Variants in PCDHGA2 observed in about 807,000 individuals in gnomAD.
PCDHGA2 encodes protocadherin gamma subfamily A, 2.
A neutral mutation model predicts 59.2 loss-of-function variants in PCDHGA2; 40 were observed. The ratio of observed to expected loss-of-function variants is 0.68; its 90% CI spans 0.52 to 0.88. PCDHGA2 has a LOEUF of 0.88. Among genes scored for constraint, PCDHGA2 ranks in the 40% least tolerant of loss-of-function variants. PCDHGA2 has a pLI of 0.00. For synonymous variants in PCDHGA2, 560 were observed against 526.0 expected, an observed-to-expected ratio of 1.06 and a Z score of -0.89; for missense variants, 1,226 against 1,204.0, an observed-to-expected ratio of 1.02 and a Z score of -0.27.
intron 1 of PCDHGA2, among the ~76,000 whole-genome samples, chr5:141,474,075 C>T (rs2099339724): frequency 6.6e-6 from 1 of 151,902 alleles, no homozygotes; most frequent in African/African-American, 2.4e-5. Flanking sequence ...GCCTCAGAAA[C>T]AAAAACCAAA....
chr5:141,389,871 G>C (rs199638280), intron 1 of PCDHGA2: 297 of 1,614,056 alleles, frequency 1.8e-4, no homozygotes, highest in Non-Finnish European at 2.3e-4. Context: ...CCTGGTCTTC[G>C]CCGACAGCTT....
At position 141,511,005 on chromosome 5, in the gene PCDHGA2, C is replaced by T; in HGVS notation, c.2631C>T (p.Ala877=). ...GGGAGTMGLS[A]RYGPQFTLQH... The stretch of plus-strand genomic sequence containing the variant: ...GTGCCGGCACCATGGGATTGAGCGC[C>T]CGCTACGGACCCCAGTTCACCCTGC... Residue 877 remains alanine, a synonymous_variant, in exon 4 of 4, where the codon GCC becomes GCT. Coordinates refer to ENST00000394576, the MANE Select transcript of PCDHGA2 (RefSeq NM_018915.4). The T allele has an allele frequency of 6.2e-7, 1 of 1,614,176 alleles. No individual in the cohort carries two copies.
chr5:141,393,016 C>G, intron 1 of PCDHGA2: 1 of 1,613,872 alleles, frequency 6.2e-7, no homozygotes, highest in East Asian at 2.2e-5. Flanking sequence ...CGTATCGTCT[C>G]CAGAGGTAGG....
intron 1 of PCDHGA2, chr5:141,352,587 T>C: frequency 6.2e-7 from 1 of 1,613,654 alleles, no homozygotes; most frequent in Non-Finnish European, 8.5e-7. Flanking sequence ...CCTCAGGATC[T>C]GCTGTGTGAT....
intron 1 of PCDHGA2, among the ~76,000 whole-genome samples, chr5:141,457,904 T>C (rs960822555): frequency 6.0e-5 from 9 of 150,288 alleles, no homozygotes; most frequent in African/African-American, 2.2e-4. Context: ...GTAGACAAGG[T>C]GTGAGGCCAG....
At chr5:141,450,869 G>A (rs1435272731) in intron 1 of PCDHGA2, among the ~76,000 whole-genome samples, 1 of 147,142 alleles carries the variant, frequency 6.8e-6, no homozygotes, top group Admixed American at 6.9e-5. Context: ...CTGTCACCCA[G>A]GCTGGTGTGC....
At chr5:141,409,185 C>A in intron 1 of PCDHGA2, 1 of 1,614,024 alleles carries the variant, frequency 6.2e-7, no homozygotes, top group Non-Finnish European at 8.5e-7. Flanking sequence ...GGTGGTCTCT[C>A]TACCCAGTGT....
In PCDHGA2 at chr5:141,477,967, C is replaced by A; in HGVS notation, c.2425-16840C>A. The A allele has an allele frequency of 6.2e-7, 1 of 1,614,150 alleles. No individual in the cohort carries two copies. Among genetic ancestry groups the A allele is most frequent in the Non-Finnish European group, 8.5e-7 (1 of 1,180,032 alleles). On this transcript the variant is annotated intron_variant, in intron 1 of 3. Transcript: ENST00000394576. The surrounding 1 kb of genome is among the most constrained non-coding windows in gnomAD (Gnocchi z 4.9). ...GTCTCTTGGGATCCCCTAACCAGAG[C>A]CTTTTTGCCATAGGGCTGCACACTG...
intron 1 of PCDHGA2, chr5:141,392,814 A>G: frequency 2.5e-6 from 4 of 1,585,078 alleles, no homozygotes; most frequent in South Asian, 2.3e-5. Flanking sequence ...CAAAACAACA[A>G]TGGCCGCTCC....
chr5:141,423,219 T>G (rs775170753), intron 1 of PCDHGA2: 4 of 1,613,752 alleles, frequency 2.5e-6, no homozygotes, highest in Non-Finnish European at 3.4e-6. Context: ...TCACCGTGGC[T>G]GTGGCCGACA....
chr5:141,389,341 C>G, intron 1 of PCDHGA2: 1 of 1,614,016 alleles, frequency 6.2e-7, no homozygotes, highest in East Asian at 2.2e-5. Context: ...GGCCAAGTCT[C>G]TTACTGCATC....
At chr5:141,503,116 A>G (rs1303445673) in intron 2 of PCDHGA2, among the ~76,000 whole-genome samples, 11 of 151,656 alleles carry the variant, frequency 7.3e-5, no homozygotes, top group Admixed American at 4.6e-4. Flanking sequence ...GCCTCTCTTC[A>G]TACCCTCTGG....
intron 1 of PCDHGA2, chr5:141,367,677 A>G (rs1045568085): frequency 2.0e-5 from 3 of 152,168 alleles, no homozygotes; most frequent in Non-Finnish European, 4.4e-5. Context: ...GGGCTTGTTG[A>G]GAGAAGAAAT....
intron 1 of PCDHGA2, among the ~76,000 whole-genome samples, chr5:141,401,128 G>C (rs1271194736): frequency 6.6e-6 from 1 of 152,166 alleles, no homozygotes; most frequent in African/African-American, 2.4e-5. Context: ...TGGATCACAT[G>C]GTCAGGAGTT....
In PCDHGA2 at chr5:141,408,857, G is replaced by T. The variant is rs372861749; in HGVS notation, c.2424+67462G>T. 1.9e-5 allele frequency: 30 copies of T among 1,613,424 alleles called. No homozygotes were observed. Among genetic ancestry groups the T allele is most frequent in the Non-Finnish European group, 2.5e-5 (29 of 1,179,810 alleles). ...GATATTGACTGCCTTGGACGGAGGG[G>T]ACCCACCAAGAAGTGCCACCGCTCA... On this transcript the variant is annotated intron_variant, in intron 1 of 3. Coordinates refer to ENST00000394576, the MANE Select transcript of PCDHGA2 (RefSeq NM_018915.4).
At chr5:141,466,827 T>C (rs1414741980) in intron 1 of PCDHGA2, among the ~76,000 whole-genome samples, 1 of 152,194 alleles carries the variant, frequency 6.6e-6, no homozygotes, top group Admixed American at 6.5e-5. Context: ...AACAAGTTAG[T>C]ATGGGTTTAT....
chr5:141,490,793 C>T lies in PCDHGA2; in HGVS notation c.2425-4014C>T, dbSNP rs2233608. 6 of 1,613,812 alleles carry T rather than the reference C, an allele frequency of 3.7e-6. No homozygotes were observed. The East Asian group carries it at 1.3e-4, about 36-fold the overall frequency. On this transcript the variant is annotated intron_variant, in intron 1 of 3. Transcript: ENST00000394576. This position sits in a 1 kb window ranked among gnomAD's most constrained non-coding sequence, Gnocchi z 5.4. Reference sequence around the variant, plus strand: ...AACCCAGAGGATGGACGGATCTTTGCCCAGCGTACCTTTGACTATGAATTG... The same window carrying T: ...AACCCAGAGGATGGACGGATCTTTGTCCAGCGTACCTTTGACTATGAATTG...
At chr5:141,360,876 C>G in intron 1 of PCDHGA2, 1 of 1,614,008 alleles carries the variant, frequency 6.2e-7, no homozygotes, top group Middle Eastern at 1.7e-4. Context: ...AGGACGTGTA[C>G]AGGGTCACCC....
At chr5:141,499,356 C>A (rs1472104991) in intron 2 of PCDHGA2, among the ~76,000 whole-genome samples, 1 of 152,062 alleles carries the variant, frequency 6.6e-6, no homozygotes, top group Non-Finnish European at 1.5e-5. Context: ...ATTCAACAAA[C>A]AAATAGCAAC....
Sources: gnomAD v4.1 joint callset for allele counts (sites outside exome capture counted in the v4.1 genomes callset) on GRCh38, gnomAD v4.1.1 for gene constraint, Gnocchi (gnomAD v3.1) non-coding constraint, MANE v1.5 for transcripts, NCBI Gene and HGNC (gene_info 2026-07-23, HGNC 2026-07-21) for gene names.